The following DNAH6 variants were observed in gnomAD, a reference collection of about 807,000 sequenced individuals.
DNAH6 encodes axonemal beta dynein heavy chain 6.
In DNAH6, 340 loss-of-function variants were observed where a neutral mutation model predicts 491.4. That is an observed-to-expected ratio of 0.69 (90% CI 0.63 to 0.76). The LOEUF (loss-of-function observed/expected upper bound fraction) is 0.76, where lower values mean the gene tolerates loss of function less well. Ranked by LOEUF, DNAH6 falls within the 30% of genes least tolerant of loss-of-function variation. The pLI, the probability that DNAH6 is intolerant of heterozygous loss-of-function variation, is 0.00. For missense variants in DNAH6, 4,443 were observed against 4,972.2 expected, an observed-to-expected ratio of 0.89 and a Z score of 3.20; for synonymous variants, 1,603 against 1,686.1, an observed-to-expected ratio of 0.95 and a Z score of 1.21.
chr2:84,805,783 C>T lies in DNAH6; in HGVS notation c.11600C>T (p.Thr3867Ile). 6.5e-7 allele frequency: 1 copy of T among 1,549,652 alleles called. No individual in the cohort carries two copies. Among genetic ancestry groups the T allele is most frequent in the Non-Finnish European group, 8.7e-7 (1 of 1,146,352 alleles). Residue 3867 changes from threonine (T) to isoleucine (I), a missense_variant, in exon 71 of 77, where the codon ACC becomes ATC. Transcript: ENST00000389394. ...CAAGAACTTGTTGCTTCTGTCCAGA[C>T]CAGAGTTCCAGGTAATAAATAATTC... ...IVQELVASVQTRVPEKLEMEG... is the reference protein window; with the variant it reads ...IVQELVASVQIRVPEKLEMEG...
chr2:84,483,766 A>C, the DNAH6 span, among the ~76,000 whole-genome samples: 18 of 152,162 alleles, frequency 1.2e-4, no homozygotes, highest in African/African-American at 4.3e-4. Context: ...CCAGCTTCTC[A>C]TTTGCCCTCC....
intron 66 of DNAH6, among the ~76,000 whole-genome samples, chr2:84,785,238 C>T (rs1559038525): frequency 6.6e-6 from 1 of 152,218 alleles, no homozygotes; most frequent in Admixed American, 6.5e-5. Flanking sequence ...CCCTGTCCCA[C>T]GTCATGGGAC....
rs761433954 is a variant in DNAH6, at chr2:84,819,349, C to A, written c.12418C>A (p.Arg4140=). 2 of 1,551,252 alleles carry A rather than the reference C, an allele frequency of 1.3e-6. No homozygotes were observed. The highest frequency in any genetic ancestry group is 8.7e-7 in the Non-Finnish European group (1 of 1,146,792). The stretch of plus-strand genomic sequence containing the variant: ...GGTAACCGTCCTGTTACCCTCCAAG[C>A]GGTCCAAAGACTACTGGATTGCCAA... The part of the protein sequence containing the change: ...FVVTVLLPSK[R]SKDYWIAKGS... Residue 4140 remains arginine (R), a synonymous_variant, in exon 77 of 77, where the codon CGG becomes AGG. Transcript: ENST00000389394.
chr2:84,739,654 G>A (rs1672330339), intron 62 of DNAH6, among the ~76,000 whole-genome samples: 2 of 152,072 alleles, frequency 1.3e-5, no homozygotes, highest in Non-Finnish European at 2.9e-5. Flanking sequence ...GCTTCCATTT[G>A]TATTTTGAAT....
rs1692498785 is a variant in DNAH6 at position 84,669,463 on chromosome 2, G to A, written c.6259G>A (p.Ala2087Thr). The A allele has an allele frequency of 6.4e-7, 1 of 1,551,720 alleles. No homozygotes were observed. Among genetic ancestry groups the A allele is most frequent in the Admixed American group, 2.0e-5 (1 of 50,982 alleles). ...RYGYLMEKLL[A>T]VKHSVLFTGI... ...TGGGTATCTAATGGAAAAACTACTG[G>A]CAGTCAAGCATTCCGTGTTGTTTAC... The change falls in exon 38 of 77, where the codon GCA (alanine) becomes ACA (threonine). Residue 2087 changes from alanine to threonine, a missense_variant. Transcript: ENST00000389394.
intron 33 of DNAH6, among the ~76,000 whole-genome samples, chr2:84,646,978 GCTGGGA>G (rs1210384665): frequency 6.6e-6 from 1 of 152,132 alleles, no homozygotes; most frequent in Non-Finnish European, 1.5e-5. Context: ...CTCCCGAGTA[GCTGGGA>G]CTACAGGCAC....
At chr2:84,496,387 T>C in the DNAH6 span, among the ~76,000 whole-genome samples, 12 of 152,362 alleles carry the variant, frequency 7.9e-5, no homozygotes, top group East Asian at 2.3e-3. Flanking sequence ...TTTTCTTCTA[T>C]GTAGTTTCTG....
chr2:84,517,838 G>A lies in DNAH6; in HGVS notation c.12G>A (p.Arg4=). 1.3e-6 allele frequency: 2 copies of A among 1,550,612 alleles called. No homozygotes were observed. Among genetic ancestry groups the A allele is most frequent in the Non-Finnish European group, 1.7e-6 (2 of 1,146,726 alleles). Residue 4 remains arginine, a synonymous_variant, in exon 2 of 77, where the codon CGG becomes CGA. Coordinates refer to ENST00000389394, the MANE Select transcript of DNAH6 (RefSeq NM_001370.2). MTF[R]ATDSEFDLTN... is the part of the protein sequence containing the mutation. ...TTTCAGGAGTAAGGATGACTTTTCG[G>A]GCCACAGATAGTGAATTTGACCTGA...
chr2:84,545,984 T>G (rs1477055634), intron 5 of DNAH6, among the ~76,000 whole-genome samples: 1 of 152,218 alleles, frequency 6.6e-6, no homozygotes, highest in Non-Finnish European at 1.5e-5. Context: ...ATTCACAGAA[T>G]TGATCCACCA....
intron 16 of DNAH6, among the ~76,000 whole-genome samples, chr2:84,592,594 A>G (rs1246500455): frequency 6.6e-6 from 1 of 152,164 alleles, no homozygotes; most frequent in Non-Finnish European, 1.5e-5. Flanking sequence ...ATATATCCCA[A>G]ATAATTGAAT....
At chr2:84,610,878 G>A (rs1188676009) in intron 21 of DNAH6, among the ~76,000 whole-genome samples, 4 of 152,174 alleles carry the variant, frequency 2.6e-5, no homozygotes, top group East Asian at 3.9e-4. Context: ...CAAGGGGGAC[G>A]TTTTCATACA....
At position 84,785,634 on chromosome 2, in the gene DNAH6, T is replaced by C; in HGVS notation, c.10978T>C (p.Leu3660=). 1.9e-6 allele frequency: 3 copies of C among 1,544,620 alleles called. No homozygotes were observed. Among genetic ancestry groups the C allele is most frequent in the Non-Finnish European group, 2.6e-6 (3 of 1,144,910 alleles). ...VKVTNEPPKG[L]RANIRRAFTE... ...GGTGACCAATGAGCCTCCAAAAGGC[T>C]TACGTGCAAATATCAGACGAGCATT... Residue 3660 remains leucine (L), a synonymous_variant, in exon 67 of 77, where the codon TTA becomes CTA. Coordinates refer to ENST00000389394, the MANE Select transcript of DNAH6 (RefSeq NM_001370.2).
chr2:84,579,527 G>A lies in DNAH6; in HGVS notation c.2077G>A (p.Val693Met). 6.2e-7 allele frequency: 1 copy of A among 1,613,418 alleles called. No individual in the cohort carries two copies. Among genetic ancestry groups the A allele is most frequent in the Non-Finnish European group, 8.5e-7 (1 of 1,179,730 alleles). ...LIPSPLRCLEVLNFMLPRQSK... is the reference protein window; with the variant it reads ...LIPSPLRCLEMLNFMLPRQSK... ...AATTCACACGGTGTTTCTTTCTTAG[G>A]TGCTAAATTTTATGCTTCCTCGTCA... The change falls in exon 14 of 77, where the codon GTG (valine) becomes ATG (methionine). Residue 693 changes from valine to methionine, a missense_variant and splice_region_variant. Val to Met is a conservative substitution (Grantham distance 21, BLOSUM62 1). This residue lies in a region of DNAH6 where 2,977 missense variants were observed against 3,296.6 expected (regional missense o/e 0.90). Transcript: ENST00000389394.
the DNAH6 span, among the ~76,000 whole-genome samples, chr2:84,489,239 G>C: frequency 6.6e-6 from 1 of 151,830 alleles, no homozygotes; most frequent in South Asian, 2.1e-4. Context: ...TGCTACCTGG[G>C]GCACATTGTA....
chr2:84,519,394 T>A (rs1291313207), intron 2 of DNAH6, among the ~76,000 whole-genome samples: 5 of 152,108 alleles, frequency 3.3e-5, no homozygotes, highest in Non-Finnish European at 7.4e-5. Context: ...ATAAAATAAT[T>A]CATACAATAT....
chr2:84,575,131 T>C (rs1302202925), intron 12 of DNAH6, among the ~76,000 whole-genome samples: 1 of 152,198 alleles, frequency 6.6e-6, no homozygotes, highest in East Asian at 1.9e-4. Flanking sequence ...TCCAGTTGTT[T>C]GCCAGAGGGT....
At chr2:84,777,779 C>T (rs1318072471) in intron 64 of DNAH6, 1 of 969,392 alleles carries the variant, frequency 1.0e-6, no homozygotes, top group Non-Finnish European at 1.7e-6. Context: ...TCCAATAATA[C>T]AGTTTTTGGG....
chr2:84,682,947 C>T (rs1382191642), intron 42 of DNAH6, among the ~76,000 whole-genome samples: 2 of 152,104 alleles, frequency 1.3e-5, no homozygotes, highest in African/African-American at 2.4e-5. Flanking sequence ...GATCCGGGCT[C>T]CCTCTCCCTT....
the DNAH6 span, among the ~76,000 whole-genome samples, chr2:84,486,104 A>G: frequency 6.6e-6 from 1 of 152,180 alleles, no homozygotes; most frequent in African/African-American, 2.4e-5. Flanking sequence ...TATGGAAAAT[A>G]TTTTATCTTA....
Sources: allele counts gnomAD v4.1 joint callset (sites outside exome capture counted in the v4.1 genomes callset), GRCh38; gene constraint gnomAD v4.1.1; regional missense constraint gnomAD v4.1.1; transcripts MANE v1.5; gene names NCBI Gene and HGNC (gene_info 2026-07-23, HGNC 2026-07-21).